PCED1B: variants seen among roughly 807,000 people sequenced by gnomAD.
PCED1B encodes PC-esterase domain containing 1B.
For synonymous variants in PCED1B, 251 were observed against 246.1 expected (o/e 1.02, Z -0.19); for missense variants, 573 against 573.9 (o/e 1.00, Z 0.02).
At chr12:47,138,361 T>C (rs896248420) in intron 2 of PCED1B, 1 of 152,192 alleles carries the variant, frequency 6.6e-6, no homozygotes, top group African/African-American at 2.4e-5. Flanking sequence ...TTCTTAGCCT[T>C]TGTATTGCTT....
chr12:47,192,225 C>T (rs1018946201), intron 2 of PCED1B, among the ~76,000 whole-genome samples: 4 of 146,530 alleles, frequency 2.7e-5, no homozygotes, highest in African/African-American at 7.7e-5. Flanking sequence ...TTCTAAATCA[C>T]GACAAACAGT....
At position 47,146,998 on chromosome 12, in the gene PCED1B, C is replaced by CTTTTTTTTTTTTTTTTTT. The variant is rs59400736; in HGVS notation, c.-526+42806_-526+42823dup. On this transcript the variant is annotated intron_variant, in intron 2 of 3. Transcript: ENST00000546455. ...TCTTTAGATATCCTAGTTCATTGCTCTTTTTTTTTTTTTTTTTTTTGAGAT... is the reference window on the plus strand; with the variant it reads ...TCTTTAGATATCCTAGTTCATTGCTCTTTTTTTTTTTTTTTTTTTTTTTTTTTTTTTTTTTTTTGAGAT... Among the ~76,000 whole-genome samples the CTTTTTTTTTTTTTTTTTT allele has an allele frequency of 6.1e-5, 6 of 99,004 alleles. 2 individuals are homozygous for CTTTTTTTTTTTTTTTTTT. Among genetic ancestry groups the CTTTTTTTTTTTTTTTTTT allele is most frequent in the East Asian group, 3.2e-4 (1 of 3,124 alleles). 65.0% of individuals were successfully genotyped at this position (99,004 alleles called of 152,430 possible).
At chr12:47,124,867 G>A (rs183083859) in intron 2 of PCED1B, among the ~76,000 whole-genome samples, 68 of 151,954 alleles carry the variant, frequency 4.5e-4, no homozygotes, top group Non-Finnish European at 8.4e-4. Flanking sequence ...AAATTGAATG[G>A]GTTTGTATGA....
chr12:47,084,331 T>A (rs1197103743), intron 1 of PCED1B, among the ~76,000 whole-genome samples: 2 of 152,252 alleles, frequency 1.3e-5, no homozygotes, highest in Non-Finnish European at 2.9e-5. Context: ...AAGTATGGTT[T>A]CTACTGAATG....
At chr12:47,194,452 C>T (rs914289158) in intron 2 of PCED1B, among the ~76,000 whole-genome samples, 5 of 152,198 alleles carry the variant, frequency 3.3e-5, no homozygotes, top group East Asian at 1.9e-4. Flanking sequence ...GGATTACAGG[C>T]GTGAGCCACC....
intron 2 of PCED1B, among the ~76,000 whole-genome samples, chr12:47,156,535 G>A (rs1941198795): frequency 6.6e-6 from 1 of 151,934 alleles, no homozygotes; most frequent in East Asian, 1.9e-4. Flanking sequence ...GCATTCTTAA[G>A]TGTGCCACAG....
At position 47,216,214 on chromosome 12, in the gene PCED1B, C is replaced by CT. The variant is rs1257471998; in HGVS notation, c.-525-4dup. ...CTTCCTCCTTTCCCCTTCTGACCAT[C>CT]TTTTCAGCCGTGAACATACCACACC... On this transcript the variant is annotated splice_polypyrimidine_tract_variant and splice_region_variant and intron_variant, in intron 2 of 3. Transcript: ENST00000546455. 3 of 152,226 alleles carry CT rather than the reference C, an allele frequency of 2.0e-5. No homozygotes were observed. The highest frequency in any genetic ancestry group is 4.4e-5 in the Non-Finnish European group (3 of 68,060). 9.4% of individuals were successfully genotyped at this position (152,226 alleles called of 1,614,324 possible). A position where few individuals can be genotyped will look rare whatever the true frequency, so the allele number is the denominator to read the frequency against.
Position 47,236,069 on chromosome 12 carries a change from G to C in PCED1B, c.1006G>C (p.Gly336Arg), listed in dbSNP as rs1251947033. The C allele has an allele frequency of 6.2e-7, 1 of 1,613,884 alleles. No individual in the cohort carries two copies. The highest frequency in any genetic ancestry group is 2.2e-5 in the East Asian group (1 of 44,844). ...CCAGGGAATGCCCCGGTTCCCACAG[G>C]GTCCCCCAGATGCCTGTTTTTCCTC... is the stretch of plus-strand genomic sequence containing the variant. ...HHQGMPRFPQGPPDACFSSDH... is the reference protein window; with the variant it reads ...HHQGMPRFPQRPPDACFSSDH... Residue 336 changes from glycine to arginine, a missense_variant, in exon 4 of 4, where the codon GGT (glycine) becomes CGT (arginine). By Grantham distance (125) the Gly-to-Arg change is moderately radical. Coordinates refer to ENST00000546455, the MANE Select transcript of PCED1B (RefSeq NM_138371.3).
At chr12:47,165,516 A>T (rs1941517246) in intron 2 of PCED1B, among the ~76,000 whole-genome samples, 1 of 152,154 alleles carries the variant, frequency 6.6e-6, no homozygotes, top group African/African-American at 2.4e-5. Flanking sequence ...TATATTATTT[A>T]TTGTCAGTTG....
chr12:47,096,102 C>T (rs1341109156), intron 1 of PCED1B, among the ~76,000 whole-genome samples: 13 of 152,014 alleles, frequency 8.6e-5, no homozygotes, highest in South Asian at 4.2e-4. Flanking sequence ...GGGAGAAGAG[C>T]GAGGAGAGTC....
At position 47,084,000 on chromosome 12, in the gene PCED1B, T is replaced by A. The variant is rs116521685; in HGVS notation, c.-609+4275T>A. Reference sequence around the variant, plus strand: ...TTTAAAGTGCGCAGTTCAGTGATTGTTTAATATATTCACAATACTGTGCAA... The same window carrying A: ...TTTAAAGTGCGCAGTTCAGTGATTGATTAATATATTCACAATACTGTGCAA... On this transcript the variant is annotated intron_variant, in intron 1 of 3. Coordinates refer to ENST00000546455, the MANE Select transcript of PCED1B (RefSeq NM_138371.3). Among the ~76,000 whole-genome samples, 1,115 of 152,332 alleles carry A rather than the reference T, an allele frequency of 7.3e-3. 13 individuals carry two copies. Among genetic ancestry groups the A allele is most frequent in the African/African-American group, 0.025 (1,028 of 41,572 alleles).
intron 2 of PCED1B, among the ~76,000 whole-genome samples, chr12:47,145,968 G>A (rs547369095): frequency 2.0e-5 from 3 of 152,288 alleles, no homozygotes; most frequent in African/African-American, 7.2e-5. Flanking sequence ...TCCTCTGATT[G>A]ATCTGGGCAA....
chr12:47,204,972 C>T (rs1208117551), intron 2 of PCED1B, among the ~76,000 whole-genome samples: 1 of 152,136 alleles, frequency 6.6e-6, no homozygotes, highest in Non-Finnish European at 1.5e-5. Context: ...ACAGGTTCTC[C>T]TTGCCCACTG....
intron 2 of PCED1B, among the ~76,000 whole-genome samples, chr12:47,116,728 A>T (rs1396098278): frequency 6.6e-6 from 1 of 152,102 alleles, no homozygotes; most frequent in African/African-American, 2.4e-5. Flanking sequence ...TTTAAATTTA[A>T]TTTTTTCTTT....
chr12:47,100,838 G>C (rs1055567306), intron 1 of PCED1B, among the ~76,000 whole-genome samples: 2 of 152,090 alleles, frequency 1.3e-5, no homozygotes, highest in African/African-American at 4.8e-5. Context: ...GAGGCCGAGG[G>C]GGGCAGATCA....
chr12:47,171,161 G>A (rs939163223), intron 2 of PCED1B, among the ~76,000 whole-genome samples: 6 of 144,474 alleles, frequency 4.2e-5, no homozygotes, highest in African/African-American at 1.0e-4. Context: ...TCCGCCTCCC[G>A]GGTTCAAGCG....
chr12:47,131,794 G>A (rs1335337230), intron 2 of PCED1B, among the ~76,000 whole-genome samples: 3 of 150,862 alleles, frequency 2.0e-5, no homozygotes, highest in South Asian at 2.1e-4. Flanking sequence ...TCAGCCTCCC[G>A]AGTAGCTGGG....
intron 2 of PCED1B, among the ~76,000 whole-genome samples, chr12:47,186,212 C>T (rs566124836): frequency 2.6e-5 from 3 of 117,400 alleles, no homozygotes; most frequent in Non-Finnish European, 5.7e-5. Flanking sequence ...AGTGAGACTC[C>T]GTCTAAAAAA....
In PCED1B at chr12:47,236,505, AC is replaced by A. The variant is rs1420673827; in HGVS notation, c.*145del. Reference sequence around the variant, plus strand: ...CGTCTTCCTTTTGTTCATTGCTGTTACCAAGAAAGCCAAGGAAGAGCAGCCT... The same window carrying A: ...CGTCTTCCTTTTGTTCATTGCTGTTACAAGAAAGCCAAGGAAGAGCAGCCT... On this transcript the variant is annotated 3_prime_UTR_variant, in exon 4 of 4. Coordinates refer to ENST00000546455, the MANE Select transcript of PCED1B (RefSeq NM_138371.3). 2.3e-6 allele frequency: 2 copies of A among 878,700 alleles called. No homozygotes were observed. The highest frequency in any genetic ancestry group is 3.3e-6 in the Non-Finnish European group (2 of 600,582). The allele number at this position is 878,700 out of a possible 1,614,324, so 54.4% of individuals were successfully genotyped here.
Sources: allele counts gnomAD v4.1 joint callset (sites outside exome capture counted in the v4.1 genomes callset), GRCh38; gene constraint gnomAD v4.1.1; transcripts MANE v1.5; gene names NCBI Gene and HGNC (gene_info 2026-07-23, HGNC 2026-07-21).